SYT1: variants seen among roughly 807,000 people sequenced by gnomAD.
The protein encoded by SYT1 is synaptotagmin-1.
Under a neutral mutation model 44.8 loss-of-function variants are expected in SYT1, and 8 were observed. The observed-to-expected ratio is 0.18, with a 90% CI of 0.10 to 0.32. SYT1 has a LOEUF of 0.32. Among genes scored for constraint, SYT1 ranks in the 10% least tolerant of loss-of-function variants. SYT1 has a pLI of 1.00. For synonymous variants in SYT1, 154 were observed against 188.8 expected, an observed-to-expected ratio of 0.82 and a Z score of 1.51; for missense variants, 286 against 509.3, an observed-to-expected ratio of 0.56 and a Z score of 4.22.
chr12:79,205,551 C>G (rs778658214), intron 3 of SYT1, among the ~76,000 whole-genome samples: 5 of 152,126 alleles, frequency 3.3e-5, no homozygotes, highest in Non-Finnish European at 7.4e-5. Flanking sequence ...TTTTTAGTTA[C>G]AATTCTGATG....
chr12:79,446,015 A>ATATATATATATATATG (rs1870704575), intron 10 of SYT1, among the ~76,000 whole-genome samples: 1 of 113,606 alleles, frequency 8.8e-6, no homozygotes, highest in African/African-American at 3.4e-5. Flanking sequence ...ATATATATAT[A>ATATATATATATATATG]TATATATATA....
intron 4 of SYT1, among the ~76,000 whole-genome samples, chr12:79,270,266 G>C (rs1302872993): frequency 6.6e-6 from 1 of 152,058 alleles, no homozygotes; most frequent in Non-Finnish European, 1.5e-5. Context: ...AGTAAAACTA[G>C]AAATTGGCAA....
intron 4 of SYT1, among the ~76,000 whole-genome samples, chr12:79,220,037 G>A (rs778772370): frequency 6.6e-6 from 1 of 151,966 alleles, no homozygotes; most frequent in Non-Finnish European, 1.5e-5. Context: ...ATAGAGATTA[G>A]CAATGAAGAT....
Position 78,909,595 on chromosome 12 carries a change from G to A in SYT1, c.-217+44486G>A, listed in dbSNP as rs563532637. ...CATATTTTTCTTATGGTTAAATTTT[G>A]GTCCTCTTATAATCTAAGCCTAGAT... On this transcript the variant is annotated intron_variant, in intron 1 of 10. Coordinates refer to ENST00000261205, the MANE Select transcript of SYT1 (RefSeq NM_005639.3). 1.3e-4 allele frequency among the ~76,000 whole-genome samples: 20 copies of A among 151,824 alleles called. No homozygotes were observed. The East Asian group carries it at 2.7e-3, about 21-fold the overall frequency.
intron 8 of SYT1, among the ~76,000 whole-genome samples, chr12:79,346,507 T>C (rs1882614001): frequency 6.6e-6 from 1 of 152,168 alleles, no homozygotes; most frequent in Non-Finnish European, 1.5e-5. Context: ...AAGCTGAAAT[T>C]CCTAATAGTA....
chr12:79,361,516 A>C (rs1883315316), intron 9 of SYT1, among the ~76,000 whole-genome samples: 1 of 152,176 alleles, frequency 6.6e-6, no homozygotes, highest in Admixed American at 6.5e-5. Context: ...TCTATACTCA[A>C]GCTAAAATTC....
rs554637820 is a variant in SYT1 at position 78,899,339 on chromosome 12, T to C, written c.-217+34230T>C. 9.2e-5 allele frequency among the ~76,000 whole-genome samples: 14 copies of C among 152,000 alleles called. 1 individual carries two copies. In the South Asian group the frequency reaches 2.7e-3, roughly 29 times the overall value. Reference sequence around the variant, plus strand: ...TAAATAAGTATGAAAATCTAAGAAATGCAGAATGTCAATTAGAGGAATTAT... The same window carrying C: ...TAAATAAGTATGAAAATCTAAGAAACGCAGAATGTCAATTAGAGGAATTAT... On this transcript the variant is annotated intron_variant, in intron 1 of 10. Transcript: ENST00000261205.
chr12:79,150,035 A>G (rs1302311302), intron 3 of SYT1, among the ~76,000 whole-genome samples: 1 of 152,224 alleles, frequency 6.6e-6, no homozygotes, highest in Non-Finnish European at 1.5e-5. Flanking sequence ...TAATTTATAA[A>G]TAGTAATTGT....
intron 1 of SYT1, among the ~76,000 whole-genome samples, chr12:78,866,996 C>G (rs1023385933): frequency 6.6e-6 from 1 of 151,744 alleles, no homozygotes; most frequent in African/African-American, 2.4e-5. Flanking sequence ...AATGATCTCT[C>G]CCTAAATAGA....
chr12:79,151,242 C>T (rs532241991), intron 3 of SYT1, among the ~76,000 whole-genome samples: 1 of 152,296 alleles, frequency 6.6e-6, no homozygotes, highest in South Asian at 2.1e-4. Flanking sequence ...TCCTGCTTGG[C>T]ATTCAGTAAA....
intron 1 of SYT1, among the ~76,000 whole-genome samples, chr12:78,879,096 A>G (rs1391729476): frequency 6.6e-6 from 1 of 151,662 alleles, no homozygotes; most frequent in Non-Finnish European, 1.5e-5. Flanking sequence ...TTCCCACCCC[A>G]GGCTTGGAAG....
intron 9 of SYT1, among the ~76,000 whole-genome samples, chr12:79,429,351 C>T (rs1031824148): frequency 6.6e-6 from 1 of 151,920 alleles, no homozygotes; most frequent in South Asian, 2.1e-4. Flanking sequence ...GAACTACAGG[C>T]ACCAGCCACC....
At chr12:79,262,568 A>G (rs1232699980) in intron 4 of SYT1, among the ~76,000 whole-genome samples, 2 of 152,232 alleles carry the variant, frequency 1.3e-5, no homozygotes, top group African/African-American at 4.8e-5. Context: ...TCTTGAGATT[A>G]TACCTGAGAT....
At chr12:79,008,469 T>C (rs1871225795) in intron 2 of SYT1, among the ~76,000 whole-genome samples, 1 of 152,154 alleles carries the variant, frequency 6.6e-6, no homozygotes, top group Non-Finnish European at 1.5e-5. Context: ...CCCAGATATA[T>C]TCAAGAAATT....
intron 4 of SYT1, among the ~76,000 whole-genome samples, chr12:79,244,950 T>G (rs1876734686): frequency 6.6e-6 from 1 of 152,136 alleles, no homozygotes; most frequent in African/African-American, 2.4e-5. Flanking sequence ...GGTAGCTGTC[T>G]TGGCAAGTAA....
chr12:79,300,799 A>T (rs1204553740), intron 8 of SYT1, among the ~76,000 whole-genome samples: 1 of 134,526 alleles, frequency 7.4e-6, no homozygotes, highest in African/African-American at 2.9e-5. Context: ...TTATATATAT[A>T]TATATATATA....
chr12:78,868,686 G>C (rs1330482555), intron 1 of SYT1: 2 of 151,724 alleles, frequency 1.3e-5, no homozygotes, highest in South Asian at 2.1e-4. Flanking sequence ...CTGAAACTAG[G>C]GGCTATTCAT....
intron 9 of SYT1, among the ~76,000 whole-genome samples, chr12:79,373,634 T>C (rs545804768): frequency 6.6e-6 from 1 of 152,328 alleles, no homozygotes; most frequent in African/African-American, 2.4e-5. Flanking sequence ...ACAATATTCA[T>C]AATATTTAAT....
rs143556977 is a variant in SYT1 at position 79,190,304 on chromosome 12, C to T, written c.-17-27199C>T. 2.6e-3 allele frequency among the ~76,000 whole-genome samples: 400 copies of T among 152,204 alleles called. 7 individuals carry two copies. Among genetic ancestry groups the T allele is most frequent in the Admixed American group, 0.024 (367 of 15,262 alleles). ...CTACCTTCTTTCCTGTCAAAATCAC[C>T]TGTGAAGAATCAACTTTCTCAGAAA... is the stretch of plus-strand genomic sequence containing the variant. On this transcript the variant is annotated intron_variant, in intron 3 of 10. Transcript: ENST00000261205.
Sources: allele counts gnomAD v4.1 joint callset (sites outside exome capture counted in the v4.1 genomes callset), GRCh38; gene constraint gnomAD v4.1.1; transcripts MANE v1.5; gene names NCBI Gene and HGNC (gene_info 2026-07-23, HGNC 2026-07-21).